Variants in FAM13A observed in about 807,000 individuals in gnomAD.
FAM13A encodes the protein protein FAM13A.
In FAM13A, 76 loss-of-function variants were observed where a neutral mutation model predicts 129.6. That is an observed-to-expected ratio of 0.59 (90% CI 0.49 to 0.71). The LOEUF (loss-of-function observed/expected upper bound fraction) is 0.71. Among genes scored for constraint, FAM13A ranks in the 30% least tolerant of loss-of-function variants. FAM13A has a pLI of 0.00. For missense variants in FAM13A, 1,108 were observed against 1,249.3 expected (o/e 0.89, Z 1.70); for synonymous variants, 443 against 449.9 (o/e 0.98, Z 0.20).
intron 3 of FAM13A, among the ~76,000 whole-genome samples, chr4:89,004,810 A>T (rs985859393): frequency 2.0e-5 from 3 of 152,168 alleles, no homozygotes; most frequent in Non-Finnish European, 4.4e-5. Flanking sequence ...TTACATTAAA[A>T]ATATGGAAGC....
chr4:88,966,761 T>C (rs1474449651), intron 4 of FAM13A, among the ~76,000 whole-genome samples: 1 of 152,134 alleles, frequency 6.6e-6, no homozygotes. Flanking sequence ...GTTCATAAAA[T>C]TAAATCAGAA....
At chr4:88,774,240 C>A (rs942012138) in intron 11 of FAM13A, among the ~76,000 whole-genome samples, 6 of 152,204 alleles carry the variant, frequency 3.9e-5, no homozygotes, top group African/African-American at 1.4e-4. Context: ...TTACCACTTT[C>A]CATCCTCTTT....
At chr4:88,895,639 C>T (rs78704294) in intron 6 of FAM13A, among the ~76,000 whole-genome samples, 71,053 of 132,650 alleles carry the variant, frequency 0.54, 18,389 homozygotes, top group Non-Finnish European at 0.56. Flanking sequence ...CAAAAGAAGA[C>T]ATTTATGCAG....
At chr4:89,004,260 T>G (rs1225994630) in intron 3 of FAM13A, among the ~76,000 whole-genome samples, 1 of 152,310 alleles carries the variant, frequency 6.6e-6, no homozygotes, top group East Asian at 1.9e-4. Flanking sequence ...TGCTTCAGCC[T>G]TCTGAGTAGC....
intron 3 of FAM13A, among the ~76,000 whole-genome samples, chr4:89,010,439 A>G (rs1419500894): frequency 6.6e-6 from 1 of 151,650 alleles, no homozygotes; most frequent in Admixed American, 6.6e-5. Context: ...AAAGAGCATT[A>G]GGCAGCCACA....
At chr4:89,027,072 C>T (rs1235798926) in intron 2 of FAM13A, among the ~76,000 whole-genome samples, 1 of 152,172 alleles carries the variant, frequency 6.6e-6, no homozygotes, top group Non-Finnish European at 1.5e-5. Context: ...GGGATATGTT[C>T]CAAGACTGCC....
At chr4:88,732,344 G>T in intron 21 of FAM13A, 146 bp from the exon 22 acceptor site, 1 of 518,116 alleles carries the variant, frequency 1.9e-6, no homozygotes, top group Non-Finnish European at 3.4e-6. Context: ...GTACATTACA[G>T]ATATATTATT....
At chr4:88,934,778 C>T (rs1309968516) in intron 5 of FAM13A, among the ~76,000 whole-genome samples, 1 of 152,154 alleles carries the variant, frequency 6.6e-6, no homozygotes, top group African/African-American at 2.4e-5. Flanking sequence ...TAAGAGATGG[C>T]CATAACTGTG....
Position 88,916,322 on chromosome 4 carries a change from T to C in FAM13A, c.760-9860A>G, listed in dbSNP as rs546355045. The stretch of plus-strand genomic sequence containing the variant: ...GTCTTAATATTATTATAATCCAATA[T>C]AGAGTTTTCCTTCAGCTCCTATATC... On this transcript the variant is annotated intron_variant, in intron 5 of 23. Coordinates refer to ENST00000264344, the MANE Select transcript of FAM13A (RefSeq NM_014883.4). Among the ~76,000 whole-genome samples, 113 of 152,352 alleles carry C rather than the reference T, an allele frequency of 7.4e-4. 1 individual carries two copies. The highest frequency in any genetic ancestry group is 1.1e-3 in the Non-Finnish European group (76 of 68,028).
chr4:89,009,593 C>T (rs1434915695), intron 3 of FAM13A, among the ~76,000 whole-genome samples: 3 of 152,172 alleles, frequency 2.0e-5, no homozygotes, highest in African/African-American at 4.8e-5. Flanking sequence ...CTTAGTACTT[C>T]CTGTTAATTT....
intron 9 of FAM13A, among the ~76,000 whole-genome samples, chr4:88,788,746 G>A (rs796754560): frequency 3.9e-5 from 6 of 152,134 alleles, no homozygotes; most frequent in African/African-American, 1.4e-4. Flanking sequence ...TTAACTCAGA[G>A]TCCTCAAACC....
At chr4:88,793,207 T>C (rs1218719417) in intron 8 of FAM13A, among the ~76,000 whole-genome samples, 1 of 151,980 alleles carries the variant, frequency 6.6e-6, no homozygotes, top group Non-Finnish European at 1.5e-5. Flanking sequence ...TACTGTAATC[T>C]AAGTAATGAA....
At chr4:88,863,323 T>C (rs1433589990) in intron 6 of FAM13A, among the ~76,000 whole-genome samples, 1 of 138,638 alleles carries the variant, frequency 7.2e-6, no homozygotes, top group Non-Finnish European at 1.5e-5. Flanking sequence ...AGCTTCCAGG[T>C]TGGTGAATAC....
chr4:88,759,400 A>AT (rs1276284420), intron 13 of FAM13A: 1 of 154,270 alleles, frequency 6.5e-6, no homozygotes, highest in East Asian at 1.9e-4. Flanking sequence ...GCTTAGATCA[A>AT]TTAAGCGGGG....
At chr4:88,733,837 A>C (rs1032294621) in intron 21 of FAM13A, among the ~76,000 whole-genome samples, 25 of 152,258 alleles carry the variant, frequency 1.6e-4, no homozygotes, top group African/African-American at 5.5e-4. Context: ...AGTTACAAAT[A>C]AGAACTTAAC....
chr4:88,954,011 A>G (rs957101104), intron 4 of FAM13A, among the ~76,000 whole-genome samples: 1 of 152,242 alleles, frequency 6.6e-6, no homozygotes, highest in African/African-American at 2.4e-5. Flanking sequence ...AACCAAAATG[A>G]GCCAAAGTGT....
At chr4:89,051,080 T>C (rs1417671392) in intron 1 of FAM13A, among the ~76,000 whole-genome samples, 1 of 152,178 alleles carries the variant, frequency 6.6e-6, no homozygotes, top group Non-Finnish European at 1.5e-5. Flanking sequence ...ATATGGGTAA[T>C]ATGCAAGGAA....
intron 13 of FAM13A, among the ~76,000 whole-genome samples, chr4:88,766,215 C>T (rs1407131445): frequency 6.6e-6 from 1 of 152,164 alleles, no homozygotes; most frequent in African/African-American, 2.4e-5. Flanking sequence ...AGAGTAGGTG[C>T]TTGCTGTGAG....
intron 3 of FAM13A, among the ~76,000 whole-genome samples, chr4:88,998,458 G>A (rs1233700163): frequency 1.3e-5 from 2 of 152,158 alleles, no homozygotes; most frequent in Non-Finnish European, 2.9e-5. Context: ...TTATTACAGA[G>A]CAGCTAACAC....
Sources: allele counts gnomAD v4.1 joint callset (sites outside exome capture counted in the v4.1 genomes callset), GRCh38; gene constraint gnomAD v4.1.1; transcripts MANE v1.5; gene names NCBI Gene and HGNC (gene_info 2026-07-23, HGNC 2026-07-21).